The following CEP128 variants were observed in gnomAD, a reference collection of about 807,000 sequenced individuals.
The protein encoded by CEP128 is centrosomal protein 128.
A neutral mutation model predicts 156.7 loss-of-function variants in CEP128; 132 were observed. The observed-to-expected ratio is 0.84, with a 90% CI of 0.73 to 0.97. The LOEUF is 0.97. CEP128 is among the 50% of genes least tolerant of loss of function. The probability of loss-of-function intolerance (pLI) is 0.00; values close to 1 mark genes in which losing one functional copy is unlikely to be tolerated. For synonymous variants in CEP128, 469 were observed against 448.9 expected (o/e 1.04, Z -0.57); for missense variants, 1,252 against 1,281.9 (o/e 0.98, Z 0.36).
At chr14:80,675,109 T>C (rs1341199376) in intron 19 of CEP128, among the ~76,000 whole-genome samples, 2 of 152,086 alleles carry the variant, frequency 1.3e-5, no homozygotes, top group Admixed American at 1.3e-4. Flanking sequence ...AACCTTTTAA[T>C]TTCAATCATT....
At chr14:80,775,724 T>C (rs1331931280) in intron 16 of CEP128, among the ~76,000 whole-genome samples, 1 of 152,264 alleles carries the variant, frequency 6.6e-6, no homozygotes, top group Non-Finnish European at 1.5e-5. Context: ...AATAAAATCA[T>C]TAATTCTTCA....
intron 18 of CEP128, among the ~76,000 whole-genome samples, chr14:80,754,206 C>A (rs1899527893): frequency 1.3e-5 from 2 of 152,158 alleles, no homozygotes; most frequent in Non-Finnish European, 1.5e-5. Context: ...CTGTGTCATA[C>A]CTTCATATTT....
At chr14:80,944,822 CAA>C (rs55662141), upstream of CEP128, among the ~76,000 whole-genome samples, 120 of 34,656 alleles carry the variant, frequency 3.5e-3, 1 homozygote, top group African/African-American at 9.0e-3. Context: ...GAGTCTGTCT[CAA>C]AAAAAAAAAA....
intron 24 of CEP128, among the ~76,000 whole-genome samples, chr14:80,499,567 AT>A (rs760462649): frequency 6.6e-6 from 1 of 152,218 alleles, no homozygotes; most frequent in African/African-American, 2.4e-5. Context: ...AACAAACATT[AT>A]GTTTTCAAAC....
chr14:80,661,655 C>T (rs983073979), intron 19 of CEP128, among the ~76,000 whole-genome samples: 6 of 152,112 alleles, frequency 3.9e-5, no homozygotes, highest in African/African-American at 9.7e-5. Context: ...GCCCTTTATA[C>T]AAATATTCTG....
chr14:80,805,384 A>C (rs1452211321), intron 13 of CEP128, among the ~76,000 whole-genome samples: 1 of 151,444 alleles, frequency 6.6e-6, no homozygotes, highest in Non-Finnish European at 1.5e-5. Context: ...CCTTTGTCCT[A>C]GCTAAGAGGC....
At chr14:80,577,956 T>C (rs1050266881) in intron 20 of CEP128, among the ~76,000 whole-genome samples, 4 of 152,152 alleles carry the variant, frequency 2.6e-5, no homozygotes, top group African/African-American at 4.8e-5. Context: ...CTAGTTATCA[T>C]TCCAACATTG....
At chr14:80,532,607 C>G (rs1022321623) in intron 21 of CEP128, among the ~76,000 whole-genome samples, 1 of 152,184 alleles carries the variant, frequency 6.6e-6, no homozygotes, top group Non-Finnish European at 1.5e-5. Flanking sequence ...CCATCCACCC[C>G]TCCTTCCACA....
intron 8 of CEP128, among the ~76,000 whole-genome samples, chr14:80,873,204 C>T (rs375790499): frequency 1.3e-5 from 2 of 152,172 alleles, no homozygotes; most frequent in African/African-American, 4.8e-5. Flanking sequence ...AGCAATTACA[C>T]CAATGAGCTG....
intron 6 of CEP128, among the ~76,000 whole-genome samples, chr14:80,491,060 G>A (rs189492906): frequency 9.9e-5 from 15 of 152,264 alleles, no homozygotes; most frequent in South Asian, 4.1e-4. Flanking sequence ...TTCAGGAATC[G>A]TTGAACAAAA....
At position 80,875,470 on chromosome 14, in the gene CEP128, A is replaced by G. The variant is rs138152882; in HGVS notation, c.646-12597T>C. On this transcript the variant is annotated intron_variant, in intron 8 of 24. Transcript: ENST00000555265. ...CAAAACTAAACAGTAGGACAAAACA[A>G]TGTGATCAAAGTCCAAGAAAAGCAA... 3.9e-5 allele frequency among the ~76,000 whole-genome samples: 6 copies of G among 152,370 alleles called. No individual in the cohort carries two copies. The East Asian group carries it at 1.2e-3, about 29-fold the overall frequency.
chr14:80,597,011 C>CT (rs1338206110), intron 19 of CEP128, among the ~76,000 whole-genome samples: 1 of 129,508 alleles, frequency 7.7e-6, no homozygotes, highest in Non-Finnish European at 1.7e-5. Flanking sequence ...CCTCAAGAAC[C>CT]TTAAAAAAAA....
At chr14:80,709,104 A>T (rs1486322379) in intron 19 of CEP128, among the ~76,000 whole-genome samples, 1 of 150,992 alleles carries the variant, frequency 6.6e-6, no homozygotes, top group Non-Finnish European at 1.5e-5. Context: ...AATAAAATAA[A>T]ACTCTAAGTT....
At chr14:80,725,075 C>T (rs1247111333) in intron 19 of CEP128, among the ~76,000 whole-genome samples, 2 of 148,498 alleles carry the variant, frequency 1.3e-5, no homozygotes, top group African/African-American at 4.9e-5. Context: ...CCTCCATCTG[C>T]CCCTATTATA....
intron 19 of CEP128, among the ~76,000 whole-genome samples, chr14:80,732,058 C>A (rs1312200749): frequency 6.6e-6 from 1 of 152,020 alleles, no homozygotes; most frequent in Non-Finnish European, 1.5e-5. Flanking sequence ...ATTTATCCAT[C>A]CACCCATCTA....
At chr14:80,855,938 C>T (rs1887132229) in intron 9 of CEP128, among the ~76,000 whole-genome samples, 1 of 152,106 alleles carries the variant, frequency 6.6e-6, no homozygotes, top group Non-Finnish European at 1.5e-5. Flanking sequence ...GTACCCGAGG[C>T]TTTTCTTATG....
intron 12 of CEP128, 69 bp from the exon 13 acceptor site, chr14:80,831,363 C>T: frequency 6.8e-7 from 1 of 1,470,304 alleles, no homozygotes; most frequent in Non-Finnish European, 9.4e-7. Flanking sequence ...TCAAATAGTA[C>T]TGAGCCCTGA....
intron 21 of CEP128, among the ~76,000 whole-genome samples, chr14:80,540,977 C>A (rs1157491992): frequency 1.3e-5 from 2 of 152,140 alleles, no homozygotes; most frequent in Admixed American, 6.5e-5. Flanking sequence ...TATATGTCCA[C>A]AAAATGTTTT....
chr14:80,781,228 T>G (rs162172), intron 15 of CEP128, among the ~76,000 whole-genome samples: 1 of 152,002 alleles, frequency 6.6e-6, no homozygotes, highest in African/African-American at 2.4e-5. Flanking sequence ...GAGGCCAAGG[T>G]GGGGGGGATC....
Sources: gnomAD v4.1 joint callset for allele counts (sites outside exome capture counted in the v4.1 genomes callset) on GRCh38, gnomAD v4.1.1 for gene constraint, MANE v1.5 for transcripts, NCBI Gene and HGNC (gene_info 2026-07-23, HGNC 2026-07-21) for gene names.